Variants in UBL3 observed in about 807,000 individuals in gnomAD.
UBL3 encodes ubiquitin-like protein 3.
A neutral mutation model predicts 18.4 loss-of-function variants in UBL3; 6 were observed. The observed-to-expected ratio is 0.33, with a 90% CI of 0.18 to 0.64. The LOEUF is 0.64. Ranked by LOEUF, UBL3 falls within the 30% of genes least tolerant of loss-of-function variation. The pLI, the probability that UBL3 is intolerant of heterozygous loss-of-function variation, is 0.76. For synonymous variants in UBL3, 49 were observed against 46.6 expected, an observed-to-expected ratio of 1.05 and a Z score of -0.21; for missense variants, 109 against 142.9, an observed-to-expected ratio of 0.76 and a Z score of 1.21.
At chr13:29,787,294 T>C (rs1243119259) in intron 1 of UBL3, among the ~76,000 whole-genome samples, 1 of 152,156 alleles carries the variant, frequency 6.6e-6, no homozygotes, top group African/African-American at 2.4e-5. Flanking sequence ...AAGTCCCTAA[T>C]AGTTAGATAT....
chr13:29,793,388 C>T (rs1013259693), intron 1 of UBL3, among the ~76,000 whole-genome samples: 1 of 152,106 alleles, frequency 6.6e-6, no homozygotes, highest in Non-Finnish European at 1.5e-5. Context: ...GAAAATATCA[C>T]ATATTTTTTG....
At chr13:29,840,773 T>C (rs73448207) in intron 1 of UBL3, among the ~76,000 whole-genome samples, 2,840 of 152,292 alleles carry the variant, frequency 0.019, 85 homozygotes, top group African/African-American at 0.064. Context: ...CACAGAGATA[T>C]GTTTAAGAAT....
intron 2 of UBL3, among the ~76,000 whole-genome samples, chr13:29,774,459 T>C (rs1299960703): frequency 6.6e-6 from 1 of 152,140 alleles, no homozygotes; most frequent in Non-Finnish European, 1.5e-5. Flanking sequence ...AACAACATCA[T>C]TCTTGGGTAT....
At chr13:29,772,074 A>T (rs770588535) in intron 3 of UBL3, 38 bp downstream of exon 3, 2 of 1,525,132 alleles carry the variant, frequency 1.3e-6, no homozygotes. Context: ...TGCTACCATG[A>T]GACAGACATT....
intron 1 of UBL3, among the ~76,000 whole-genome samples, chr13:29,784,223 T>C (rs985204709): frequency 6.6e-6 from 1 of 152,072 alleles, no homozygotes; most frequent in African/African-American, 2.4e-5. Flanking sequence ...TGGAAAAAAA[T>C]GACGGGAAAG....
intron 1 of UBL3, among the ~76,000 whole-genome samples, chr13:29,842,379 G>A (rs1229448325): frequency 2.6e-5 from 4 of 151,822 alleles, no homozygotes; most frequent in African/African-American, 9.7e-5. Context: ...GGGTGGTCTC[G>A]AACTCCTGAC....
chr13:29,812,452 C>G (rs1878115551), intron 1 of UBL3, among the ~76,000 whole-genome samples: 1 of 151,902 alleles, frequency 6.6e-6, no homozygotes, highest in South Asian at 2.1e-4. Context: ...ATACATACTC[C>G]AAGGCACCAC....
At chr13:29,812,554 A>C (rs1309286308) in intron 1 of UBL3, among the ~76,000 whole-genome samples, 1 of 152,058 alleles carries the variant, frequency 6.6e-6, no homozygotes, top group Non-Finnish European at 1.5e-5. Context: ...TTCTAACTCT[A>C]GATACTCTAG....
At chr13:29,825,176 T>A (rs891837484) in intron 1 of UBL3, among the ~76,000 whole-genome samples, 8 of 152,286 alleles carry the variant, frequency 5.3e-5, no homozygotes, top group African/African-American at 1.7e-4. Flanking sequence ...CTTAGGATTG[T>A]CTTGGCAATG....
intron 1 of UBL3, among the ~76,000 whole-genome samples, chr13:29,793,372 G>C (rs911467059): frequency 1.3e-5 from 2 of 152,144 alleles, no homozygotes; most frequent in Admixed American, 1.3e-4. Context: ...CCCTGGCACT[G>C]AGCTAGAAAA....
chr13:29,839,543 A>G (rs1879041426), intron 1 of UBL3, among the ~76,000 whole-genome samples: 1 of 152,180 alleles, frequency 6.6e-6, no homozygotes, highest in Non-Finnish European at 1.5e-5. Context: ...ATTCTCAGCT[A>G]CTTGGGAGGC....
intron 1 of UBL3, among the ~76,000 whole-genome samples, chr13:29,830,379 C>T (rs1878742451): frequency 6.6e-6 from 1 of 152,122 alleles, no homozygotes; most frequent in Non-Finnish European, 1.5e-5. Context: ...AAAAGTTTTC[C>T]CAGCTTTTGA....
intron 3 of UBL3, among the ~76,000 whole-genome samples, chr13:29,769,691 C>T (rs35889915): frequency 0.045 from 6,900 of 152,156 alleles, 221 homozygotes; most frequent in Middle Eastern, 0.089. Context: ...CTTCTTCACC[C>T]TCCGATTAAC....
At chr13:29,800,114 G>T (rs1052068808) in intron 1 of UBL3, among the ~76,000 whole-genome samples, 1 of 152,144 alleles carries the variant, frequency 6.6e-6, no homozygotes, top group East Asian at 1.9e-4. Context: ...ATTCCTTTTC[G>T]AGCTTATATT....
At chr13:29,774,063 C>T (rs1384019095) in intron 2 of UBL3, among the ~76,000 whole-genome samples, 4 of 151,628 alleles carry the variant, frequency 2.6e-5, no homozygotes, top group African/African-American at 9.7e-5. Context: ...CTCTTTATTC[C>T]TTGCAGTGTC....
At chr13:29,836,862 G>C (rs1416305213) in intron 1 of UBL3, among the ~76,000 whole-genome samples, 3 of 152,214 alleles carry the variant, frequency 2.0e-5, no homozygotes, top group African/African-American at 7.2e-5. Context: ...CCAACAAAAA[G>C]ATGTTGAAAA....
At chr13:29,795,332 T>C (rs1236267039) in intron 1 of UBL3, among the ~76,000 whole-genome samples, 1 of 152,034 alleles carries the variant, frequency 6.6e-6, no homozygotes, top group Non-Finnish European at 1.5e-5. Flanking sequence ...GCAGCAAATA[T>C]CCTAGGGAAC....
At chr13:29,836,813 G>A (rs1000638710) in intron 1 of UBL3, among the ~76,000 whole-genome samples, 17 of 152,346 alleles carry the variant, frequency 1.1e-4, no homozygotes, top group South Asian at 1.0e-3. Flanking sequence ...CCAGGAATGT[G>A]CTGAATTGTA....
intron 1 of UBL3, among the ~76,000 whole-genome samples, chr13:29,819,898 T>G (rs868496803): frequency 4.7e-4 from 71 of 151,868 alleles, no homozygotes; most frequent in African/African-American, 1.6e-3. Context: ...TTTTCCCCAA[T>G]CCCTACCCCC....
Sources: allele counts gnomAD v4.1 joint callset (sites outside exome capture counted in the v4.1 genomes callset), GRCh38; gene constraint gnomAD v4.1.1; transcripts MANE v1.5; gene names NCBI Gene and HGNC (gene_info 2026-07-23, HGNC 2026-07-21).